Variants in TMEM135 observed in about 807,000 individuals in gnomAD.
TMEM135 encodes the protein transmembrane protein 135.
A neutral mutation model predicts 60.3 loss-of-function variants in TMEM135; 30 were observed. The observed-to-expected ratio is 0.50, with a 90% CI of 0.37 to 0.68. TMEM135 has a LOEUF of 0.68. Ranked by LOEUF, TMEM135 falls within the 30% of genes least tolerant of loss-of-function variation. The probability of loss-of-function intolerance (pLI) is 0.00; values close to 1 mark genes in which losing one functional copy is unlikely to be tolerated. For synonymous variants in TMEM135, 190 were observed against 186.7 expected (o/e 1.02, Z -0.14); for missense variants, 468 against 548.8 (o/e 0.85, Z 1.47).
chr11:87,181,908 T>C (rs117204458), intron 5 of TMEM135, among the ~76,000 whole-genome samples: 3,141 of 151,698 alleles, frequency 0.021, 34 homozygotes, highest in South Asian at 0.032. Flanking sequence ...TAGTTTGTGT[T>C]TCTGTATGAT....
At position 87,206,745 on chromosome 11, in the gene TMEM135, A is replaced by G. The variant is rs774918467; in HGVS notation, c.463-29893A>G. ...TTGACAGGATACTAATAGCTTTTAA[A>G]CTATTATAGTAGGAACTATTAATGT... On this transcript the variant is annotated intron_variant, in intron 5 of 14. Transcript: ENST00000305494. 3.9e-5 allele frequency among the ~76,000 whole-genome samples: 6 copies of G among 152,198 alleles called. No individual in the cohort carries two copies. The East Asian group carries it at 7.7e-4, about 20-fold the overall frequency.
intron 6 of TMEM135, among the ~76,000 whole-genome samples, chr11:87,271,853 C>T (rs1278342692): frequency 1.3e-5 from 2 of 151,808 alleles, no homozygotes; most frequent in Non-Finnish European, 1.5e-5. Context: ...GGAAAATCAC[C>T]TGAGCTCAGG....
At chr11:87,208,550 T>C (rs1940290836) in intron 5 of TMEM135, among the ~76,000 whole-genome samples, 1 of 151,968 alleles carries the variant, frequency 6.6e-6, no homozygotes, top group Non-Finnish European at 1.5e-5. Flanking sequence ...CTCTAAGAAA[T>C]ATGGGATTAG....
At chr11:87,117,268 G>A (rs1857912850) in intron 4 of TMEM135, among the ~76,000 whole-genome samples, 2 of 152,206 alleles carry the variant, frequency 1.3e-5, no homozygotes, top group Non-Finnish European at 2.9e-5. Flanking sequence ...GGTGGTAGTT[G>A]CTGAAGGTTG....
intron 5 of TMEM135, among the ~76,000 whole-genome samples, chr11:87,163,798 G>C (rs1318407137): frequency 7.0e-6 from 1 of 142,648 alleles, no homozygotes; most frequent in Non-Finnish European, 1.5e-5. Context: ...GTGATGATGA[G>C]CATTTTTTCA....
intron 3 of TMEM135, among the ~76,000 whole-genome samples, chr11:87,081,818 C>T (rs913114778): frequency 2.0e-5 from 3 of 151,892 alleles, no homozygotes; most frequent in Non-Finnish European, 4.4e-5. Flanking sequence ...TAAATATTAG[C>T]TGAAGTAGTT....
chr11:87,253,569 G>C, intron 6 of TMEM135, among the ~76,000 whole-genome samples: 1 of 140,378 alleles, frequency 7.1e-6, no homozygotes, highest in Non-Finnish European at 1.5e-5. Context: ...GTTCCCAGAG[G>C]TTCCACTGGA....
chr11:87,267,586 G>A (rs964028094), intron 6 of TMEM135, among the ~76,000 whole-genome samples: 1 of 152,190 alleles, frequency 6.6e-6, no homozygotes, highest in East Asian at 1.9e-4. Flanking sequence ...TTTTTATTTG[G>A]ATTTCGTGAT....
Position 87,322,462 on chromosome 11 carries a change from G to T in TMEM135, c.*1129G>T, listed in dbSNP as rs1438655329. On this transcript the variant is annotated 3_prime_UTR_variant, in exon 15 of 15. Transcript: ENST00000305494. Reference sequence around the variant, plus strand: ...GACACCATAAAGTCCTGCTGATAATGAGAGTAGTTCAGGACAGCTGTGATT... The same window carrying T: ...GACACCATAAAGTCCTGCTGATAATTAGAGTAGTTCAGGACAGCTGTGATT... 1.1e-5 allele frequency: 5 copies of T among 453,978 alleles called. No individual in the cohort carries two copies. Among genetic ancestry groups the T allele is most frequent in the South Asian group, 6.2e-5 (4 of 64,466 alleles). The allele number at this position is 453,978 out of a possible 1,614,324, so 28.1% of individuals were successfully genotyped here.
chr11:87,172,379 G>T (rs1939260719), intron 5 of TMEM135, among the ~76,000 whole-genome samples: 1 of 150,794 alleles, frequency 6.6e-6, no homozygotes, highest in Non-Finnish European at 1.5e-5. Context: ...AAGTAGAACA[G>T]AGTATTAAGG....
chr11:87,311,093 GTATA>G (rs1229690356), intron 10 of TMEM135, among the ~76,000 whole-genome samples: 1 of 103,654 alleles, frequency 9.6e-6, no homozygotes, highest in Non-Finnish European at 2.1e-5. Context: ...TATTCTGTGG[GTATA>G]TATATATGTC....
intron 4 of TMEM135, among the ~76,000 whole-genome samples, chr11:87,144,125 T>A (rs1482914204): frequency 7.0e-6 from 1 of 142,128 alleles, no homozygotes. Context: ...ATTGGGAAAA[T>A]AGTATAGTAT....
At chr11:87,305,776 A>AAAATAAATAAAT (rs71470736) in intron 8 of TMEM135, among the ~76,000 whole-genome samples, 160 bp from the exon 9 acceptor site, 1,801 of 144,046 alleles carry the variant, frequency 0.013, 18 homozygotes, top group Middle Eastern at 0.018. Context: ...ACTTTATCTC[A>AAAATAAATAAAT]AAATAAATAA....
At chr11:87,135,493 C>CA (rs1555108674) in intron 4 of TMEM135, among the ~76,000 whole-genome samples, 1 of 142,012 alleles carries the variant, frequency 7.0e-6, no homozygotes, top group African/African-American at 2.6e-5. Flanking sequence ...AAGAGTTCAT[C>CA]TTTTTTTTTT....
intron 2 of TMEM135, among the ~76,000 whole-genome samples, chr11:87,069,209 C>G (rs1275264077): frequency 6.9e-6 from 1 of 145,166 alleles, no homozygotes; most frequent in South Asian, 2.2e-4. Flanking sequence ...TTGCTTGAAC[C>G]CGGGAGGCGG....
intron 1 of TMEM135, among the ~76,000 whole-genome samples, chr11:87,039,430 C>T (rs1025352147): frequency 4.6e-5 from 7 of 152,126 alleles, no homozygotes; most frequent in Non-Finnish European, 1.0e-4. Context: ...GTGGGGGCTG[C>T]ACTTTGAATA....
At position 87,067,722 on chromosome 11, in the gene TMEM135, T is replaced by C. The variant is rs1024460284; in HGVS notation, c.170T>C (p.Leu57Ser). Residue 57 changes from leucine to serine, a missense_variant, in exon 2 of 15, where the codon TTA (leucine) becomes TCA (serine). Transcript: ENST00000305494. ...GCAGCAATTCTCCGGAAACGGAAAT[T>C]AGACTATTATTTACACAAACTACTC... Reference protein sequence around the residue: ...LIAAILRKRKLDYYLHKLLPE... With the variant: ...LIAAILRKRKSDYYLHKLLPE... 1 of 1,613,794 alleles carries C rather than the reference T, an allele frequency of 6.2e-7. No individual in the cohort carries two copies. The highest frequency in any genetic ancestry group is 8.5e-7 in the Non-Finnish European group (1 of 1,179,916).
chr11:87,114,969 A>C (rs1210659320), intron 4 of TMEM135, among the ~76,000 whole-genome samples: 1 of 152,212 alleles, frequency 6.6e-6, no homozygotes, highest in Non-Finnish European at 1.5e-5. Flanking sequence ...ATTCCATTAT[A>C]TTCATGCATA....
At chr11:87,058,391 G>T (rs192013982) in intron 1 of TMEM135, among the ~76,000 whole-genome samples, 1 of 151,858 alleles carries the variant, frequency 6.6e-6, no homozygotes, top group Non-Finnish European at 1.5e-5. Flanking sequence ...GTGCAGTGGC[G>T]TGATCTTGGC....
Sources: gnomAD v4.1 joint callset for allele counts (sites outside exome capture counted in the v4.1 genomes callset) on GRCh38, gnomAD v4.1.1 for gene constraint, MANE v1.5 for transcripts, NCBI Gene and HGNC (gene_info 2026-07-23, HGNC 2026-07-21) for gene names.